The following MALRD1 variants were observed in gnomAD, a reference collection of about 807,000 sequenced individuals.
MALRD1 encodes MAM and LDL-receptor class A domain-containing protein 1.
A neutral mutation model predicts 242.1 loss-of-function variants in MALRD1; 247 were observed. That is an observed-to-expected ratio of 1.02 (90% CI 0.92 to 1.13). The LOEUF is 1.13. Among genes scored for constraint, MALRD1 ranks in the 50% most tolerant of loss-of-function variants. The pLI, the probability that MALRD1 is intolerant of heterozygous loss-of-function variation, is 0.00. For synonymous variants in MALRD1, 995 were observed against 866.6 expected, an observed-to-expected ratio of 1.15 and a Z score of -2.60; for missense variants, 2,989 against 2,533.1, an observed-to-expected ratio of 1.18 and a Z score of -3.86.
At chr10:19,238,482 AT>A (rs1838554248) in intron 18 of MALRD1, among the ~76,000 whole-genome samples, 1 of 24,110 alleles carries the variant, frequency 4.1e-5, no homozygotes, top group East Asian at 2.6e-3. Flanking sequence ...TATAATATAC[AT>A]TATATATAAT....
In MALRD1 at chr10:19,372,944, G is replaced by A. The variant is rs188947499; in HGVS notation, c.4442-14584G>A. Among the ~76,000 whole-genome samples the A allele has an allele frequency of 2.9e-3, 440 of 151,924 alleles. 3 individuals carry two copies. The highest frequency in any genetic ancestry group is 0.021 in the South Asian group (102 of 4,820). On this transcript the variant is annotated intron_variant, in intron 26 of 39. Coordinates refer to ENST00000454679, the MANE Select transcript of MALRD1 (RefSeq NM_001142308.3). ...TTACTAATCAGCTCATATATTTTTC[G>A]CTATCATTATATTCCTCATAAATAA...
chr10:19,521,204 A>G (rs1367186469), intron 31 of MALRD1, among the ~76,000 whole-genome samples: 2 of 152,162 alleles, frequency 1.3e-5, no homozygotes, highest in Non-Finnish European at 2.9e-5. Flanking sequence ...TTCTCTAAAA[A>G]GAATCTTCTA....
chr10:19,397,463 C>A (rs369555550), intron 28 of MALRD1, among the ~76,000 whole-genome samples: 21 of 151,992 alleles, frequency 1.4e-4, no homozygotes, highest in African/African-American at 5.1e-4. Flanking sequence ...TATATAGACC[C>A]CATTTTCTTT....
chr10:19,103,764 T>A (rs1836364987), intron 4 of MALRD1, among the ~76,000 whole-genome samples: 1 of 152,146 alleles, frequency 6.6e-6, no homozygotes, highest in Non-Finnish European at 1.5e-5. Flanking sequence ...TTACCTATCC[T>A]ATGCCAGACA....
chr10:19,664,479 G>C (rs1358377159), intron 36 of MALRD1, among the ~76,000 whole-genome samples: 1 of 151,788 alleles, frequency 6.6e-6, no homozygotes, highest in East Asian at 1.9e-4. Context: ...CTGATGATGA[G>C]TGTAGTTGTA....
At chr10:19,592,652 C>T (rs1589280668) in intron 33 of MALRD1, among the ~76,000 whole-genome samples, 1 of 152,062 alleles carries the variant, frequency 6.6e-6, no homozygotes, top group African/African-American at 2.4e-5. Flanking sequence ...AAAAAAATTT[C>T]TGCTTTTAAT....
At chr10:19,400,679 A>G (rs543022175) in intron 28 of MALRD1, among the ~76,000 whole-genome samples, 109 of 152,328 alleles carry the variant, frequency 7.2e-4, no homozygotes, top group Non-Finnish European at 1.4e-3. Flanking sequence ...GAAGAAATAA[A>G]AAAATTAAAT....
chr10:19,328,206 G>A (rs1001525164), intron 23 of MALRD1, among the ~76,000 whole-genome samples: 10 of 152,084 alleles, frequency 6.6e-5, no homozygotes, highest in Non-Finnish European at 8.8e-5. Context: ...AAAAGTACTA[G>A]TACGAAGATG....
chr10:19,171,738 AT>A (rs1834975419), intron 13 of MALRD1, among the ~76,000 whole-genome samples: 1 of 144,492 alleles, frequency 6.9e-6, no homozygotes, highest in Admixed American at 7.0e-5. Context: ...ACGTATATAT[AT>A]CATATAATAT....
intron 31 of MALRD1, among the ~76,000 whole-genome samples, chr10:19,514,185 A>AT (rs1833529637): frequency 6.6e-6 from 1 of 152,204 alleles, no homozygotes; most frequent in Non-Finnish European, 1.5e-5. Context: ...TGGCAAGAAA[A>AT]TTTTGTTTTT....
At chr10:19,101,332 C>A (rs1212650956) in intron 4 of MALRD1, among the ~76,000 whole-genome samples, 1 of 143,516 alleles carries the variant, frequency 7.0e-6, no homozygotes, top group African/African-American at 2.5e-5. Context: ...TTGAATCAAA[C>A]TACTTGGATA....
In MALRD1 at chr10:19,681,893, G is replaced by A. The variant is rs537073965; in HGVS notation, c.6138-10389G>A. 1.7e-4 allele frequency among the ~76,000 whole-genome samples: 22 copies of A among 131,600 alleles called. No individual in the cohort carries two copies. In the South Asian group the frequency reaches 5.1e-3, roughly 31 times the overall value. The allele number at this position is 131,600 out of a possible 152,430, so 86.3% of individuals were successfully genotyped here. On this transcript the variant is annotated intron_variant, in intron 36 of 39. Coordinates refer to ENST00000454679, the MANE Select transcript of MALRD1 (RefSeq NM_001142308.3). ...TTTTTTTTTGAGACAGAGTCTTGCTGTTTCCAGGCTGGATTGCAATGGCAC... is the reference window on the plus strand; with the variant it reads ...TTTTTTTTTGAGACAGAGTCTTGCTATTTCCAGGCTGGATTGCAATGGCAC...
chr10:19,152,829 T>C (rs1197000893), intron 11 of MALRD1, among the ~76,000 whole-genome samples: 1 of 152,126 alleles, frequency 6.6e-6, no homozygotes, highest in Non-Finnish European at 1.5e-5. Context: ...CCTTGACTTC[T>C]ACACTCACCA....
Position 19,607,859 on chromosome 10 carries a change from T to C in MALRD1, c.6027T>C (p.Phe2009=). The change falls in exon 35 of 40, where the codon TTT becomes TTC. Residue 2009 remains phenylalanine (F), a synonymous_variant. Transcript: ENST00000454679. ...CIPAHQRCDG[F]ADCMDFQLDE... is the part of the protein sequence containing the mutation. ...CAGCCCACCAGCGCTGTGATGGTTT[T>C]GCCGACTGCATGGATTTCCAGCTTG... is the stretch of plus-strand genomic sequence containing the variant. 6.5e-7 allele frequency: 1 copy of C among 1,549,874 alleles called. No individual in the cohort carries two copies. Among genetic ancestry groups the C allele is most frequent in the East Asian group, 2.4e-5 (1 of 40,864 alleles).
rs1040335936 is a variant in MALRD1, at chr10:19,133,945, T to C, written c.1200T>C (p.Phe400=). ...DVLIPEDLKT[F]KIIFEGTLLS... ...TAATACCAGAAGATCTGAAGACATT[T>C]AAGGTATGAAAGAAAAAAAAAAAGT... Residue 400 remains phenylalanine (F), a synonymous_variant, in exon 9 of 40, where the codon TTT becomes TTC. Transcript: ENST00000454679. The C allele has an allele frequency of 5.7e-6, 7 of 1,224,070 alleles. No homozygotes were observed. In the Admixed American group the frequency reaches 2.1e-4, roughly 37 times the overall value. 75.8% of individuals were successfully genotyped at this position (1,224,070 alleles called of 1,614,324 possible).
chr10:19,607,596 A>C (rs1838698867), intron 34 of MALRD1, among the ~76,000 whole-genome samples, 181 bp from the exon 35 acceptor site: 1 of 152,136 alleles, frequency 6.6e-6, no homozygotes, highest in Admixed American at 6.6e-5. Flanking sequence ...TTTTTCTTTC[A>C]GACATTTTTA....
At chr10:19,427,138 G>A (rs1430086988) in intron 28 of MALRD1, among the ~76,000 whole-genome samples, 1 of 152,022 alleles carries the variant, frequency 6.6e-6, no homozygotes, top group Non-Finnish European at 1.5e-5. Context: ...TTAGAACAAG[G>A]ATATGAATTA....
At chr10:19,413,036 T>A (rs1833340710) in intron 28 of MALRD1, among the ~76,000 whole-genome samples, 1 of 152,092 alleles carries the variant, frequency 6.6e-6, no homozygotes, top group Non-Finnish European at 1.5e-5. Flanking sequence ...GAGATGGAAA[T>A]CTTAGAAAAA....
chr10:19,422,162 G>A (rs1833739746), intron 28 of MALRD1, among the ~76,000 whole-genome samples: 2 of 152,092 alleles, frequency 1.3e-5, no homozygotes, highest in Non-Finnish European at 1.5e-5. Flanking sequence ...TTTAAATCAT[G>A]CTCTTTTCTA....
Sources: allele counts gnomAD v4.1 joint callset (sites outside exome capture counted in the v4.1 genomes callset), GRCh38; gene constraint gnomAD v4.1.1; transcripts MANE v1.5; gene names NCBI Gene and HGNC (gene_info 2026-07-23, HGNC 2026-07-21).